LRP1B: variants seen among roughly 807,000 people sequenced by gnomAD.
LRP1B encodes the protein low-density lipoprotein receptor-related protein 1B.
In LRP1B, 217 loss-of-function variants were observed where a neutral mutation model predicts 556.6. The observed-to-expected ratio is 0.39, with a 90% CI of 0.35 to 0.44. LRP1B has a LOEUF of 0.44. Ranked by LOEUF, LRP1B falls within the 20% of genes least tolerant of loss-of-function variation. The probability of loss-of-function intolerance (pLI) is 1.00; values close to 1 mark genes in which losing one functional copy is unlikely to be tolerated. For missense variants in LRP1B, 5,053 were observed against 5,620.8 expected (o/e 0.90, Z 3.23); for synonymous variants, 2,047 against 1,865.8 (o/e 1.10, Z -2.50).
At position 141,774,684 on chromosome 2, in the gene LRP1B, A is replaced by T. The variant is rs535365995; in HGVS notation, c.205+35595T>A. ...TTTACAGTACAGAACTTTTGGAAAC[A>T]CCGTCCCTTCAAATGCTACCTTACT... On this transcript the variant is annotated intron_variant, in intron 2 of 90. Transcript: ENST00000389484. 6.6e-5 allele frequency among the ~76,000 whole-genome samples: 10 copies of T among 152,332 alleles called. No individual in the cohort carries two copies. In the South Asian group the frequency reaches 2.1e-3, roughly 32 times the overall value.
At chr2:140,311,129 A>G (rs1684278158) in intron 83 of LRP1B, among the ~76,000 whole-genome samples, 1 of 151,874 alleles carries the variant, frequency 6.6e-6, no homozygotes, top group South Asian at 2.1e-4. Flanking sequence ...TTTCTCAGAT[A>G]GCTAAAAATA....
At chr2:140,654,620 G>A (rs934746722) in intron 41 of LRP1B, among the ~76,000 whole-genome samples, 1 of 152,068 alleles carries the variant, frequency 6.6e-6, no homozygotes, top group African/African-American at 2.4e-5. Flanking sequence ...GGGAACAGAT[G>A]GGTTTTATTA....
At chr2:141,590,738 G>A (rs1032266808) in intron 2 of LRP1B, among the ~76,000 whole-genome samples, 3 of 152,068 alleles carry the variant, frequency 2.0e-5, no homozygotes, top group Non-Finnish European at 1.5e-5. Flanking sequence ...AATCAGAGGA[G>A]GTATTTTATT....
At chr2:141,055,641 G>A (rs1051682501) in intron 9 of LRP1B, among the ~76,000 whole-genome samples, 1 of 151,964 alleles carries the variant, frequency 6.6e-6, no homozygotes, top group East Asian at 1.9e-4. Flanking sequence ...AGGTTAGGTA[G>A]TTAAGCAGAG....
chr2:140,321,384 C>T (rs1263659075), intron 82 of LRP1B, among the ~76,000 whole-genome samples: 2 of 151,676 alleles, frequency 1.3e-5, no homozygotes, highest in African/African-American at 4.8e-5. Context: ...TTAGTTTTTA[C>T]ATTAGTGTTA....
At chr2:141,673,184 AAC>A (rs1690739426) in intron 2 of LRP1B, among the ~76,000 whole-genome samples, 1 of 152,142 alleles carries the variant, frequency 6.6e-6, no homozygotes. Flanking sequence ...CTTCCCTATA[AAC>A]AGAGTCTCTT....
chr2:141,580,781 T>C (rs1383387864), intron 2 of LRP1B, among the ~76,000 whole-genome samples: 1 of 152,134 alleles, frequency 6.6e-6, no homozygotes, highest in Non-Finnish European at 1.5e-5. Context: ...AATGAGACAT[T>C]TGTTGTTTAT....
chr2:141,047,109 A>T (rs952747554), intron 11 of LRP1B, among the ~76,000 whole-genome samples: 4 of 151,798 alleles, frequency 2.6e-5, no homozygotes, highest in Non-Finnish European at 5.9e-5. Flanking sequence ...TGGGTCAAAA[A>T]CAAAACAACG....
intron 3 of LRP1B, among the ~76,000 whole-genome samples, chr2:141,415,119 A>G (rs975138785): frequency 1.3e-5 from 2 of 152,274 alleles, no homozygotes; most frequent in South Asian, 4.1e-4. Context: ...GGTTCACGCC[A>G]TTCTCCTGGC....
At chr2:141,851,913 G>A (rs939058161) in intron 1 of LRP1B, among the ~76,000 whole-genome samples, 1 of 151,784 alleles carries the variant, frequency 6.6e-6, no homozygotes, top group East Asian at 1.9e-4. Context: ...GCTTTCTTGA[G>A]TAGAGTTTTC....
rs146768608 is a variant in LRP1B at position 140,534,005 on chromosome 2, T to C, written c.7762+16A>G. The stretch of plus-strand genomic sequence containing the variant: ...TAGCACACCAATATTCTGAGATTGA[T>C]GGAACAAGTATTTACCTTTACAATC... On this transcript the variant is annotated intron_variant, in intron 47 of 90. Coordinates refer to ENST00000389484, the MANE Select transcript of LRP1B (RefSeq NM_018557.3). The C allele has an allele frequency of 2.2e-3, 3,550 of 1,612,374 alleles. 106 individuals carry two copies. The Admixed American group carries it at 0.051, about 23-fold the overall frequency.
At chr2:140,922,861 A>C in intron 21 of LRP1B, 104 bp downstream of exon 21, 1 of 999,926 alleles carries the variant, frequency 1.0e-6, no homozygotes, top group South Asian at 1.7e-5. Flanking sequence ...TCTGCCAAAA[A>C]TATAAGATTA....
chr2:140,274,793 T>C, intron 84 of LRP1B, among the ~76,000 whole-genome samples, 195 bp from the exon 85 acceptor site: 1 of 37,952 alleles, frequency 2.6e-5, no homozygotes, highest in East Asian at 5.4e-4. Context: ...AGGCATCATT[T>C]TCCTCTGGCT....
At chr2:141,140,676 C>T (rs147663032) in intron 7 of LRP1B, among the ~76,000 whole-genome samples, 87 of 152,258 alleles carry the variant, frequency 5.7e-4, no homozygotes, top group African/African-American at 2.0e-3. Flanking sequence ...ACCAAACCTG[C>T]TGACACCTTG....
chr2:141,307,186 T>C (rs1432818115), intron 3 of LRP1B, among the ~76,000 whole-genome samples: 1 of 152,158 alleles, frequency 6.6e-6, no homozygotes, highest in African/African-American at 2.4e-5. Context: ...AGATGATCTG[T>C]CTCATGCTGA....
rs562177690 is a variant in LRP1B at position 141,168,945 on chromosome 2, G to GT, written c.1013+19475dup. Among the ~76,000 whole-genome samples the GT allele has an allele frequency of 4.0e-3, 603 of 151,710 alleles. 2 individuals are homozygous for GT. The highest frequency in any genetic ancestry group is 0.011 in the South Asian group (55 of 4,796). ...AAGGACAAATGTGGTACTCAAGGGT[G>GT]TTTTTTTTGTCATAAACATTTATTC... On this transcript the variant is annotated intron_variant, in intron 7 of 90. Coordinates refer to ENST00000389484, the MANE Select transcript of LRP1B (RefSeq NM_018557.3).
At chr2:140,244,119 T>G (rs550253999) in intron 87 of LRP1B, among the ~76,000 whole-genome samples, 130 of 151,430 alleles carry the variant, frequency 8.6e-4, no homozygotes, top group African/African-American at 3.0e-3. Flanking sequence ...AGTGCAGTAC[T>G]TGACACTTAG....
chr2:140,385,559 G>A (rs1469776999), intron 67 of LRP1B, among the ~76,000 whole-genome samples: 2 of 152,122 alleles, frequency 1.3e-5, no homozygotes, highest in African/African-American at 4.8e-5. Flanking sequence ...TAAAGAATGA[G>A]ATGTTTTGTA....
intron 2 of LRP1B, among the ~76,000 whole-genome samples, chr2:141,599,460 A>C (rs1254785633): frequency 6.6e-6 from 1 of 152,154 alleles, no homozygotes; most frequent in Non-Finnish European, 1.5e-5. Context: ...CCGCCACTGC[A>C]GGAAGTGTGA....
Sources: gnomAD v4.1 joint callset for allele counts (sites outside exome capture counted in the v4.1 genomes callset) on GRCh38, gnomAD v4.1.1 for gene constraint, MANE v1.5 for transcripts, NCBI Gene and HGNC (gene_info 2026-07-23, HGNC 2026-07-21) for gene names.